Variants in CTNNBIP1 observed in about 807,000 individuals in gnomAD.
CTNNBIP1 encodes the protein catenin beta interacting protein 1, also known as beta-catenin-interacting protein 1.
CTNNBIP1 carries 7 observed loss-of-function variants against 11.8 expected under a neutral mutation model. That is an observed-to-expected ratio of 0.60 (90% CI 0.34 to 1.12). CTNNBIP1 has a LOEUF of 1.12. Among genes scored for constraint, CTNNBIP1 ranks in the 50% most tolerant of loss-of-function variants. The pLI is 0.03. For synonymous variants in CTNNBIP1, 58 were observed against 43.9 expected (o/e 1.32, Z -1.26); for missense variants, 101 against 113.4 (o/e 0.89, Z 0.50).
chr1:9,893,491 A>G (rs1485720528), intron 1 of CTNNBIP1, among the ~76,000 whole-genome samples: 1 of 152,172 alleles, frequency 6.6e-6, no homozygotes, highest in Non-Finnish European at 1.5e-5. Flanking sequence ...TTCCAGGCCA[A>G]CGACTCACCC....
At chr1:9,863,333 G>A (rs548451566) in intron 5 of CTNNBIP1, among the ~76,000 whole-genome samples, 2 of 152,336 alleles carry the variant, frequency 1.3e-5, no homozygotes, top group African/African-American at 4.8e-5. Context: ...GTTGATTAAA[G>A]TTAACAAAGA....
intron 1 of CTNNBIP1, among the ~76,000 whole-genome samples, chr1:9,889,619 C>T (rs1639257873): frequency 4.6e-5 from 7 of 152,196 alleles, no homozygotes; most frequent in Admixed American, 4.6e-4. Flanking sequence ...GCACATCCGC[C>T]TGCATTTCCT....
At chr1:9,880,031 C>T (rs1272381086) in intron 2 of CTNNBIP1, among the ~76,000 whole-genome samples, 3 of 152,242 alleles carry the variant, frequency 2.0e-5, no homozygotes, top group South Asian at 4.2e-4. Flanking sequence ...CAGGTATGTA[C>T]GCATGTGCCA....
intron 5 of CTNNBIP1, among the ~76,000 whole-genome samples, chr1:9,856,513 CTTT>C (rs149518763): frequency 6.9e-5 from 9 of 129,572 alleles, no homozygotes; most frequent in Admixed American, 1.5e-4. Context: ...GTAAAAAATT[CTTT>C]TTTTTTTTTT....
chr1:9,902,800 C>T (rs1047188299), intron 1 of CTNNBIP1, among the ~76,000 whole-genome samples: 1 of 151,490 alleles, frequency 6.6e-6, no homozygotes, highest in African/African-American at 2.4e-5. Flanking sequence ...GAGTCTCACT[C>T]TATTGCCCAG....
chr1:9,879,823 A>G (rs1331750513), intron 2 of CTNNBIP1, among the ~76,000 whole-genome samples: 2 of 152,228 alleles, frequency 1.3e-5, no homozygotes, highest in Non-Finnish European at 2.9e-5. Flanking sequence ...GCAGAGGGGA[A>G]CACTGTATTC....
intron 5 of CTNNBIP1, among the ~76,000 whole-genome samples, chr1:9,861,099 A>G (rs1185937607): frequency 6.6e-6 from 1 of 152,018 alleles, no homozygotes; most frequent in Non-Finnish European, 1.5e-5. Flanking sequence ...GACAACGCCC[A>G]CTCTGTGTCT....
At chr1:9,879,264 G>C (rs948398298) in intron 2 of CTNNBIP1, among the ~76,000 whole-genome samples, 3 of 151,994 alleles carry the variant, frequency 2.0e-5, no homozygotes, top group African/African-American at 7.3e-5. Flanking sequence ...AGGGCTCTCC[G>C]CTGTCAGCCC....
chr1:9,884,943 G>A (rs1219520358), intron 1 of CTNNBIP1, among the ~76,000 whole-genome samples: 2 of 152,152 alleles, frequency 1.3e-5, no homozygotes, highest in Non-Finnish European at 2.9e-5. Context: ...AACAGGCCCA[G>A]GCAGAAGAGG....
intron 1 of CTNNBIP1, among the ~76,000 whole-genome samples, chr1:9,892,250 G>A (rs560611974): frequency 6.6e-6 from 1 of 151,956 alleles, no homozygotes; most frequent in Middle Eastern, 3.2e-3. Flanking sequence ...GTGAAACCCC[G>A]TCTCTACTAA....
chr1:9,907,230 G>A (rs1197449868), intron 1 of CTNNBIP1, among the ~76,000 whole-genome samples: 10 of 152,176 alleles, frequency 6.6e-5, no homozygotes, highest in Non-Finnish European at 1.2e-4. Context: ...GAGTGCAGTG[G>A]CACGATCTTG....
At chr1:9,898,987 T>A (rs1040637641) in intron 1 of CTNNBIP1, among the ~76,000 whole-genome samples, 2 of 152,148 alleles carry the variant, frequency 1.3e-5, no homozygotes, top group African/African-American at 2.4e-5. Flanking sequence ...TTAAAAAAAA[T>A]TTTTTACTTC....
chr1:9,893,977 G>A (rs1055311557), intron 1 of CTNNBIP1, among the ~76,000 whole-genome samples: 4 of 152,120 alleles, frequency 2.6e-5, no homozygotes, highest in Admixed American at 6.5e-5. Flanking sequence ...CAGAAATCCA[G>A]GACAATAACC....
intron 1 of CTNNBIP1, among the ~76,000 whole-genome samples, chr1:9,889,014 G>A (rs1400208179): frequency 6.6e-6 from 1 of 152,212 alleles, no homozygotes; most frequent in Non-Finnish European, 1.5e-5. Context: ...AGGCTGGGAG[G>A]GAGGCGCCTG....
At position 9,849,472 on chromosome 1, in the gene CTNNBIP1, C is replaced by G. The variant is rs972354001; in HGVS notation, c.*1246G>C. 6.6e-6 allele frequency: 1 copy of G among 152,304 alleles called. No homozygotes were observed. The highest frequency in any genetic ancestry group is 2.4e-5 in the African/African-American group (1 of 41,464). 9.4% of individuals were successfully genotyped at this position (152,304 alleles called of 1,614,324 possible). On this transcript the variant is annotated 3_prime_UTR_variant, in exon 6 of 6. Coordinates refer to ENST00000377263, the MANE Select transcript of CTNNBIP1 (RefSeq NM_020248.3). ...CGGGACCTACTGTGCTGGCAGCAGA[C>G]AGGTAGGAGCCTGGCTGGGGTAGGT... is the stretch of plus-strand genomic sequence containing the variant.
chr1:9,883,195 G>A lies in CTNNBIP1; in HGVS notation c.-110+510C>T, dbSNP rs940809523. 3.9e-5 allele frequency among the ~76,000 whole-genome samples: 6 copies of A among 152,156 alleles called. No homozygotes were observed. Among genetic ancestry groups the A allele is most frequent in the African/African-American group, 1.4e-4 (6 of 41,446 alleles). The stretch of plus-strand genomic sequence containing the variant: ...CAACCTGCCAAGCGGAGGGCATTGG[G>A]CCCTGGTCAGGAGATGACTCGGGCA... On this transcript the variant is annotated intron_variant, in intron 2 of 5. Transcript: ENST00000377263. This position sits in a 1 kb window ranked among gnomAD's most constrained non-coding sequence, Gnocchi z 5.6.
At chr1:9,882,992 G>C (rs910132167) in intron 2 of CTNNBIP1, among the ~76,000 whole-genome samples, 3 of 152,196 alleles carry the variant, frequency 2.0e-5, no homozygotes, top group Non-Finnish European at 4.4e-5. Context: ...AGTGAGAATG[G>C]GGGGCCTCAG....
intron 3 of CTNNBIP1, among the ~76,000 whole-genome samples, chr1:9,876,478 C>T (rs1000642328): frequency 2.6e-5 from 4 of 152,010 alleles, no homozygotes; most frequent in East Asian, 3.9e-4. Context: ...ATTAGCTGGG[C>T]GAGGTGGCAG....
chr1:9,893,590 ACT>A (rs1011599583), intron 1 of CTNNBIP1, among the ~76,000 whole-genome samples: 3 of 151,888 alleles, frequency 2.0e-5, no homozygotes, highest in African/African-American at 4.8e-5. Context: ...TCCTGCAAAA[ACT>A]CTCCATTGAG....
Sources: allele counts gnomAD v4.1 joint callset (sites outside exome capture counted in the v4.1 genomes callset), GRCh38; gene constraint gnomAD v4.1.1; non-coding constraint Gnocchi (gnomAD v3.1); transcripts MANE v1.5; gene names NCBI Gene and HGNC (gene_info 2026-07-23, HGNC 2026-07-21).